The following PCDHA7 variants were observed in gnomAD, a reference collection of about 807,000 sequenced individuals.
PCDHA7 encodes the protein protocadherin alpha-7.
Under a neutral mutation model 57.2 loss-of-function variants are expected in PCDHA7, and 37 were observed. The observed-to-expected ratio is 0.65, with a 90% confidence interval of 0.50 to 0.85. The LOEUF is 0.85. PCDHA7 is among the 40% of genes least tolerant of loss of function. The probability of loss-of-function intolerance (pLI) is 0.00; values close to 1 mark genes in which losing one functional copy is unlikely to be tolerated. For missense variants in PCDHA7, 1,188 were observed against 1,241.8 expected (o/e 0.96, Z 0.65); for synonymous variants, 553 against 558.8 (o/e 0.99, Z 0.15).
At chr5:140,944,724 C>G (rs246064) in intron 1 of PCDHA7, among the ~76,000 whole-genome samples, 85,713 of 151,920 alleles carry the variant, frequency 0.56, 24,798 homozygotes, top group African/African-American at 0.69. Flanking sequence ...CTTTGAACAC[C>G]TTAGTAAGTC....
intron 1 of PCDHA7, among the ~76,000 whole-genome samples, chr5:140,957,031 TG>T (rs1436652232): frequency 6.6e-6 from 1 of 152,182 alleles, no homozygotes; most frequent in Non-Finnish European, 1.5e-5. Flanking sequence ...TAGATATTTA[TG>T]GGAGTCATAT....
chr5:140,883,263 G>T (rs562257406), intron 1 of PCDHA7: 2 of 1,613,988 alleles, frequency 1.2e-6, no homozygotes, highest in Admixed American at 1.7e-5. Flanking sequence ...CCAATGGCGG[G>T]TCATTGTACC....
intron 1 of PCDHA7, chr5:140,875,357 C>T: frequency 1.4e-6 from 2 of 1,446,712 alleles, no homozygotes; most frequent in South Asian, 1.5e-5. Flanking sequence ...GACTGTGATG[C>T]TGGAAAAAAT....
chr5:140,871,132 G>T, intron 1 of PCDHA7: 7 of 1,613,372 alleles, frequency 4.3e-6, no homozygotes, highest in Non-Finnish European at 5.9e-6. Context: ...GGCGCCAAAG[G>T]CCTCTTCCCG....
In PCDHA7 at chr5:140,835,510, A is replaced by C. The variant is rs145294768; in HGVS notation, c.1127A>C (p.Asp376Ala). The change falls in exon 1 of 4, where the codon GAC (aspartate) becomes GCC (alanine). Residue 376 changes from aspartate to alanine, a missense_variant. Physicochemically the swap from Asp to Ala is moderately radical, Grantham distance 126 (BLOSUM62 -2). Transcript: ENST00000525929. Reference sequence around the variant, plus strand: ...GTCATCACATTGATTAGCGTGTTTGACCGAGATTTTGGAGTCAACGGACAG... The same window carrying C: ...GTCATCACATTGATTAGCGTGTTTGCCCGAGATTTTGGAGTCAACGGACAG... ...GTVITLISVF[D>A]RDFGVNGQVT... The C allele has an allele frequency of 3.4e-5, 55 of 1,613,788 alleles. 1 individual carries two copies. The highest frequency in any genetic ancestry group is 4.6e-5 in the Non-Finnish European group (54 of 1,179,878).
chr5:140,838,638 C>T (rs1775813369), intron 1 of PCDHA7, among the ~76,000 whole-genome samples: 1 of 151,758 alleles, frequency 6.6e-6, no homozygotes, highest in Non-Finnish European at 1.5e-5. Flanking sequence ...TTTGGTTGGT[C>T]AAAAAAATGA....
chr5:140,840,052 T>C (rs1449998966), intron 1 of PCDHA7, among the ~76,000 whole-genome samples: 1 of 152,072 alleles, frequency 6.6e-6, no homozygotes, highest in Non-Finnish European at 1.5e-5. Flanking sequence ...GGAAGTCTAA[T>C]GTCTTGACAA....
At chr5:140,886,276 A>T (rs1352172114) in intron 1 of PCDHA7, among the ~76,000 whole-genome samples, 3 of 152,062 alleles carry the variant, frequency 2.0e-5, no homozygotes, top group Admixed American at 1.3e-4. Flanking sequence ...AAAATTTTTT[A>T]AAATTATTTT....
chr5:141,000,391 C>CTATA (rs2097912428), intron 3 of PCDHA7, among the ~76,000 whole-genome samples: 2 of 56,664 alleles, frequency 3.5e-5, no homozygotes, highest in Non-Finnish European at 6.1e-5. Context: ...CTCTCTCTCT[C>CTATA]TCTCTATATA....
rs151249575 is a variant in PCDHA7, at chr5:140,920,220, T to TTATA, written c.2356-58728_2356-58725dup. 8.8e-3 allele frequency among the ~76,000 whole-genome samples: 1,344 copies of TTATA among 152,322 alleles called. 13 individuals carry two copies. The highest frequency in any genetic ancestry group is 0.031 in the African/African-American group (1,300 of 41,558). On this transcript the variant is annotated intron_variant, in intron 1 of 3. Coordinates refer to ENST00000525929, the MANE Select transcript of PCDHA7 (RefSeq NM_018910.3). ...GCAGCCACAGAAAACCAATGCACAT[T>TTATA]TATAGTATTATATACCCAACAATAC...
At chr5:140,946,456 G>A (rs1554217589) in intron 1 of PCDHA7, among the ~76,000 whole-genome samples, 1 of 151,574 alleles carries the variant, frequency 6.6e-6, no homozygotes, top group African/African-American at 2.4e-5. Flanking sequence ...CAACTATCCA[G>A]CAATCCCACT....
At chr5:140,918,186 C>T (rs1177570782) in intron 1 of PCDHA7, among the ~76,000 whole-genome samples, 1 of 151,888 alleles carries the variant, frequency 6.6e-6, no homozygotes, top group Non-Finnish European at 1.5e-5. Flanking sequence ...TTGATTTGGC[C>T]CTCAGCTTGG....
At chr5:140,860,209 G>A (rs1263350528) in intron 1 of PCDHA7, 13 of 147,554 alleles carry the variant, frequency 8.8e-5, no homozygotes, top group Middle Eastern at 7.1e-3. Context: ...ATCTATATAT[G>A]TACTTATGTA....
rs2150224520 is a variant in PCDHA7 at position 140,834,696 on chromosome 5, C to T, written c.313C>T (p.His105Tyr). 3 of 1,614,242 alleles carry T rather than the reference C, an allele frequency of 1.9e-6. No homozygotes were observed. In the South Asian group the frequency reaches 3.3e-5, roughly 18 times the overall value. Residue 105 changes from histidine (H) to tyrosine (Y), a missense_variant, in exon 1 of 4, where the codon CAC (histidine) becomes TAC (tyrosine). His to Tyr is a moderately conservative substitution (Grantham distance 83, BLOSUM62 2). Transcript: ENST00000525929. ...LCGRSAECSI[H>Y]LEVIVERPLQ... The stretch of plus-strand genomic sequence containing the variant: ...CGGGCGGAGCGCGGAGTGCAGCATC[C>T]ACCTGGAGGTGATCGTGGAAAGGCC...
At position 140,851,655 on chromosome 5, in the gene PCDHA7, T is replaced by C. The variant is rs1554145502; in HGVS notation, c.2355+14917T>C. 3 of 911,452 alleles carry C rather than the reference T, an allele frequency of 3.3e-6. No individual in the cohort carries two copies. In the African/African-American group the frequency reaches 5.4e-5, roughly 16 times the overall value. 56.5% of individuals were successfully genotyped at this position (911,452 alleles called of 1,614,324 possible). ...GTGTTTCCTTTCTTCAAGAAGACAT[T>C]CTCCTTTTAATTGAAATTTTCTCCA... On this transcript the variant is annotated intron_variant, in intron 1 of 3. Transcript: ENST00000525929.
At chr5:140,848,693 G>C in intron 1 of PCDHA7, 1 of 1,592,386 alleles carries the variant, frequency 6.3e-7, no homozygotes, top group Non-Finnish European at 8.6e-7. Context: ...TGTTCCAGTT[G>C]GATTCCAAAG....
At chr5:140,927,760 A>G in intron 1 of PCDHA7, 1 of 1,614,206 alleles carries the variant, frequency 6.2e-7, no homozygotes, top group Non-Finnish European at 8.5e-7. Context: ...GCACCCTAAA[A>G]GTGGGGAGGT....
intron 1 of PCDHA7, among the ~76,000 whole-genome samples, chr5:140,881,790 G>T (rs2058832674): frequency 6.6e-6 from 1 of 152,164 alleles, no homozygotes; most frequent in Non-Finnish European, 1.5e-5. Context: ...CCGATCAATT[G>T]TCCCAAAACG....
At chr5:140,884,173 C>T in intron 1 of PCDHA7, 1 of 1,613,432 alleles carries the variant, frequency 6.2e-7, no homozygotes, top group Non-Finnish European at 8.5e-7. Context: ...GCACGACGCG[C>T]CCTCTGGACG....
Sources: gnomAD v4.1 joint callset for allele counts (sites outside exome capture counted in the v4.1 genomes callset) on GRCh38, gnomAD v4.1.1 for gene constraint, MANE v1.5 for transcripts, NCBI Gene and HGNC (gene_info 2026-07-23, HGNC 2026-07-21) for gene names.